PAPOLA: variants seen among roughly 807,000 people sequenced by gnomAD.
The protein encoded by PAPOLA is polynucleotide adenylyltransferase alpha.
A neutral mutation model predicts 100.6 loss-of-function variants in PAPOLA; 15 were observed. That is an observed-to-expected ratio of 0.15 (90% CI 0.10 to 0.23). The LOEUF (loss-of-function observed/expected upper bound fraction) is 0.23, where lower values mean the gene tolerates loss of function less well. PAPOLA is among the 10% of genes least tolerant of loss of function. PAPOLA has a pLI of 1.00. For missense variants in PAPOLA, 533 were observed against 884.2 expected (o/e 0.60, Z 5.04); for synonymous variants, 293 against 300.0 (o/e 0.98, Z 0.24).
intron 6 of PAPOLA, among the ~76,000 whole-genome samples, chr14:96,528,518 GTAA>G (rs1248064166): frequency 6.6e-6 from 1 of 152,204 alleles, no homozygotes; most frequent in African/African-American, 2.4e-5. Flanking sequence ...AGCAACTTTA[GTAA>G]TTCATTACTT....
At chr14:96,533,541 A>C (rs1192700397) in intron 9 of PAPOLA, 1 of 862,206 alleles carries the variant, frequency 1.2e-6, no homozygotes, top group Middle Eastern at 6.0e-4. Context: ...AGAATGTCAG[A>C]ATTTCTTTTT....
At chr14:96,540,004 C>T (rs1899852917) in intron 12 of PAPOLA, among the ~76,000 whole-genome samples, 1 of 151,930 alleles carries the variant, frequency 6.6e-6, no homozygotes, top group Non-Finnish European at 1.5e-5. Flanking sequence ...GTTAGAATTA[C>T]TTAATATTTC....
At chr14:96,540,170 T>C (rs959042699) in intron 12 of PAPOLA, among the ~76,000 whole-genome samples, 1 of 152,188 alleles carries the variant, frequency 6.6e-6, no homozygotes, top group Non-Finnish European at 1.5e-5. Context: ...TGTTTTCCCT[T>C]TATAAATAAA....
chr14:96,526,891 T>C (rs1898535340), intron 4 of PAPOLA: 1 of 152,542 alleles, frequency 6.6e-6, no homozygotes, highest in Admixed American at 6.5e-5. Flanking sequence ...CAATTGATTT[T>C]AATTCTCCTT....
chr14:96,532,783 A>G, intron 9 of PAPOLA, 134 bp downstream of exon 9: 4 of 1,386,220 alleles, frequency 2.9e-6, no homozygotes, highest in South Asian at 3.7e-5. Context: ...AGCCTTGGAG[A>G]TCACATTGTG....
At chr14:96,552,973 C>T (rs1900971241) in intron 17 of PAPOLA, 1 of 183,186 alleles carries the variant, frequency 5.5e-6, no homozygotes, top group Non-Finnish European at 1.1e-5. Context: ...TGTCCCAGAG[C>T]TGCTTATACC....
In PAPOLA at chr14:96,521,085, T is replaced by C. The variant is rs201755605; in HGVS notation, c.249+13T>C. 230 of 1,346,772 alleles carry C rather than the reference T, an allele frequency of 1.7e-4. No individual in the cohort carries two copies. In the African/African-American group the frequency reaches 3.1e-3, roughly 18 times the overall value. 83.4% of individuals were successfully genotyped at this position (1,346,772 alleles called of 1,614,324 possible). ...CAGTGAAAGCAAGGTAAGGCAACTTTTTTGTATATGAAATAATTTCATATA... is the reference window on the plus strand; with the variant it reads ...CAGTGAAAGCAAGGTAAGGCAACTTCTTTGTATATGAAATAATTTCATATA... On this transcript the variant is annotated intron_variant, in intron 3 of 21. Transcript: ENST00000216277.
At chr14:96,534,257 A>G (rs1362786665) in intron 9 of PAPOLA, 1 of 1,341,362 alleles carries the variant, frequency 7.5e-7, no homozygotes. Context: ...TTTGAGTGGC[A>G]GAGAACGTTT....
At chr14:96,533,950 C>T in intron 9 of PAPOLA, 1 of 985,126 alleles carries the variant, frequency 1.0e-6, no homozygotes, top group Non-Finnish European at 1.2e-6. Flanking sequence ...CAGTTTTTAC[C>T]TCTTTCATAT....
Position 96,556,333 on chromosome 14 carries a change from A to G in PAPOLA, c.1924A>G (p.Ile642Val). The G allele has an allele frequency of 6.2e-7, 1 of 1,614,140 alleles. No individual in the cohort carries two copies. The highest frequency in any genetic ancestry group is 8.5e-7 in the Non-Finnish European group (1 of 1,180,010). The change falls in exon 19 of 22, where the codon ATA (isoleucine) becomes GTA (valine). Residue 642 changes from isoleucine to valine, a missense_variant. By Grantham distance (29) the Ile-to-Val change is conservative (BLOSUM62 3). Transcript: ENST00000216277. Reference sequence around the variant, plus strand: ...AACTTCAGGAAATGCAGCAACAAAAATACCTACTCCTATAGTAGGAGTCAA... The same window carrying G: ...AACTTCAGGAAATGCAGCAACAAAAGTACCTACTCCTATAGTAGGAGTCAA... The part of the protein sequence containing the change: ...AATSGNAATK[I>V]PTPIVGVKRT...
intron 18 of PAPOLA, 52 bp from the exon 19 acceptor site, chr14:96,556,123 G>A (rs1901300466): frequency 1.4e-6 from 2 of 1,421,476 alleles, no homozygotes. Flanking sequence ...CTTACAACTT[G>A]ATACTGATTT....
chr14:96,531,056 G>A (rs942346435), intron 6 of PAPOLA, among the ~76,000 whole-genome samples: 1 of 152,120 alleles, frequency 6.6e-6, no homozygotes, highest in Non-Finnish European at 1.5e-5. Flanking sequence ...AGGCTGTAGT[G>A]CAGTGGTGCG....
At chr14:96,518,513 A>G (rs1465986538) in intron 1 of PAPOLA, among the ~76,000 whole-genome samples, 1 of 150,796 alleles carries the variant, frequency 6.6e-6, no homozygotes, top group African/African-American at 2.4e-5. Context: ...GGTTCACGCC[A>G]TTCTCCTGCC....
chr14:96,516,033 T>G (rs1166202336), intron 1 of PAPOLA, among the ~76,000 whole-genome samples: 1 of 152,044 alleles, frequency 6.6e-6, no homozygotes, highest in Non-Finnish European at 1.5e-5. Flanking sequence ...AATATTGGAG[T>G]ATATAGTTTT....
intron 17 of PAPOLA, among the ~76,000 whole-genome samples, chr14:96,555,645 T>C (rs1901253957): frequency 6.6e-6 from 1 of 152,222 alleles, no homozygotes; most frequent in Non-Finnish European, 1.5e-5. Context: ...TAGACAGTGC[T>C]GCTTTAGAAG....
chr14:96,565,116 A>T lies in PAPOLA; in HGVS notation c.*66A>T, dbSNP rs762141465. 90 of 871,230 alleles carry T rather than the reference A, an allele frequency of 1.0e-4. No homozygotes were observed. The highest frequency in any genetic ancestry group is 2.5e-4 in the Middle Eastern group (1 of 3,958). 54.0% of individuals were successfully genotyped at this position (871,230 alleles called of 1,614,324 possible). A position where few individuals can be genotyped will look rare whatever the true frequency, so the allele number is the denominator to read the frequency against. ...ACCTGTTGTCTTCAAATGCTAAAAAAGGAGAATGGAGGGTACAAGACTAGA... is the reference window on the plus strand; with the variant it reads ...ACCTGTTGTCTTCAAATGCTAAAAATGGAGAATGGAGGGTACAAGACTAGA... On this transcript the variant is annotated 3_prime_UTR_variant, in exon 22 of 22. Coordinates refer to ENST00000216277, the MANE Select transcript of PAPOLA (RefSeq NM_032632.5).
At chr14:96,518,256 C>T (rs903849405) in intron 1 of PAPOLA, among the ~76,000 whole-genome samples, 4 of 152,188 alleles carry the variant, frequency 2.6e-5, no homozygotes, top group African/African-American at 4.8e-5. Context: ...GCAGTATGGG[C>T]TTCTTGGCAT....
chr14:96,543,927 TAGTA>T (rs1451662200), intron 14 of PAPOLA, among the ~76,000 whole-genome samples: 1 of 152,134 alleles, frequency 6.6e-6, no homozygotes, highest in Non-Finnish European at 1.5e-5. Context: ...AATGCACAGT[TAGTA>T]AGAGTATATT....
At chr14:96,522,316 T>A (rs1369974432) in intron 3 of PAPOLA, among the ~76,000 whole-genome samples, 1 of 151,802 alleles carries the variant, frequency 6.6e-6, no homozygotes. Flanking sequence ...GATGGGCTTT[T>A]GCCACGTTGA....
Sources: gnomAD v4.1 joint callset for allele counts (sites outside exome capture counted in the v4.1 genomes callset) on GRCh38, gnomAD v4.1.1 for gene constraint, MANE v1.5 for transcripts, NCBI Gene and HGNC (gene_info 2026-07-23, HGNC 2026-07-21) for gene names.